Variants in NKAIN2 observed in about 807,000 individuals in gnomAD.
The protein encoded by NKAIN2 is sodium/potassium transporting ATPase interacting 2.
Under a neutral mutation model 32.6 loss-of-function variants are expected in NKAIN2, and 14 were observed. The observed-to-expected ratio is 0.43, with a 90% confidence interval of 0.28 to 0.67. The LOEUF is 0.67. Among genes scored for constraint, NKAIN2 ranks in the 30% least tolerant of loss-of-function variants. NKAIN2 has a pLI of 0.17. For synonymous variants in NKAIN2, 80 were observed against 87.2 expected (o/e 0.92, Z 0.46); for missense variants, 198 against 258.3 (o/e 0.77, Z 1.60).
chr6:124,102,511 CAA>C (rs1414129807), intron 1 of NKAIN2, among the ~76,000 whole-genome samples: 3 of 152,086 alleles, frequency 2.0e-5, no homozygotes, highest in African/African-American at 7.2e-5. Context: ...TTCGATGCCC[CAA>C]GAGAGAAGGT....
intron 3 of NKAIN2, among the ~76,000 whole-genome samples, chr6:124,388,193 A>T (rs891989651): frequency 1.3e-5 from 2 of 151,730 alleles, no homozygotes; most frequent in African/African-American, 2.4e-5. Context: ...CAAAAAAAAA[A>T]CCCTGCTTAC....
chr6:124,273,257 C>T lies in NKAIN2; in HGVS notation c.55-9748C>T, dbSNP rs534821458. Among the ~76,000 whole-genome samples, 10 of 151,962 alleles carry T rather than the reference C, an allele frequency of 6.6e-5. No individual in the cohort carries two copies. The South Asian group carries it at 8.3e-4, about 13-fold the overall frequency. ...TGTGGAGGGAAGGACTTGGTGGGGT[C>T]GATTGGATCCTGGGGGCAGTTTCCC... On this transcript the variant is annotated intron_variant, in intron 1 of 6. Coordinates refer to ENST00000368417, the MANE Select transcript of NKAIN2 (RefSeq NM_001040214.3).
intron 3 of NKAIN2, among the ~76,000 whole-genome samples, chr6:124,601,265 G>GTA: frequency 6.6e-6 from 1 of 152,118 alleles, no homozygotes; most frequent in African/African-American, 2.4e-5. Context: ...CCATTACCAT[G>GTA]CTTTGGAAAG....
chr6:124,765,446 G>A (rs111344321), intron 4 of NKAIN2, among the ~76,000 whole-genome samples: 1,647 of 152,252 alleles, frequency 0.011, 43 homozygotes, highest in African/African-American at 0.038. Context: ...TCAAGCTGCC[G>A]CACAGCACTT....
intron 1 of NKAIN2, among the ~76,000 whole-genome samples, chr6:124,080,931 T>A (rs2114906106): frequency 6.6e-6 from 1 of 152,282 alleles, no homozygotes; most frequent in South Asian, 2.1e-4. Flanking sequence ...TTATTGATGA[T>A]AAACTAACTC....
At chr6:123,938,446 A>G (rs1358415588) in intron 1 of NKAIN2, among the ~76,000 whole-genome samples, 1 of 84,738 alleles carries the variant, frequency 1.2e-5, no homozygotes, top group African/African-American at 6.9e-5. Context: ...ATATATATAT[A>G]TATATACACA....
intron 1 of NKAIN2, among the ~76,000 whole-genome samples, chr6:123,832,542 A>T (rs1562207080): frequency 6.6e-6 from 1 of 152,146 alleles, no homozygotes. Context: ...TTTGTAAGAA[A>T]CCGCTAAACT....
chr6:123,861,674 A>G (rs1268761978), intron 1 of NKAIN2, among the ~76,000 whole-genome samples: 5 of 152,192 alleles, frequency 3.3e-5, no homozygotes, highest in Non-Finnish European at 7.4e-5. Flanking sequence ...ATGTAGTTAG[A>G]TAATTCATTT....
intron 1 of NKAIN2, among the ~76,000 whole-genome samples, chr6:124,017,231 G>A (rs1009112550): frequency 6.6e-6 from 1 of 152,062 alleles, no homozygotes; most frequent in African/African-American, 2.4e-5. Context: ...AGAACAGTAT[G>A]GGAAAGACCC....
intron 1 of NKAIN2, among the ~76,000 whole-genome samples, chr6:124,118,080 T>C (rs548805260): frequency 2.5e-4 from 38 of 152,272 alleles, no homozygotes; most frequent in Non-Finnish European, 2.6e-4. Context: ...TCTTGTATTC[T>C]GGAGGTTTAA....
At chr6:124,649,429 T>C (rs1309301734) in intron 3 of NKAIN2, among the ~76,000 whole-genome samples, 1 of 152,142 alleles carries the variant, frequency 6.6e-6, no homozygotes, top group Admixed American at 6.6e-5. Flanking sequence ...AATAGACAAA[T>C]TGAATAGGCT....
intron 1 of NKAIN2, among the ~76,000 whole-genome samples, chr6:124,188,036 T>A (rs959644315): frequency 6.6e-6 from 1 of 152,182 alleles, no homozygotes; most frequent in South Asian, 2.1e-4. Context: ...CCACCGTAGA[T>A]CCAGTAGCCT....
intron 1 of NKAIN2, among the ~76,000 whole-genome samples, chr6:124,265,234 C>T (rs1452671638): frequency 2.0e-5 from 3 of 151,236 alleles, no homozygotes; most frequent in Admixed American, 6.6e-5. Context: ...TACATCATGT[C>T]TATGTATTTA....
At chr6:124,303,303 G>A (rs1163044400) in intron 2 of NKAIN2, among the ~76,000 whole-genome samples, 1 of 152,164 alleles carries the variant, frequency 6.6e-6, no homozygotes, top group Non-Finnish European at 1.5e-5. Context: ...CAAAGAACAT[G>A]GCAAACAAAT....
intron 1 of NKAIN2, among the ~76,000 whole-genome samples, chr6:124,235,337 A>G (rs2114750671): frequency 6.6e-6 from 1 of 152,306 alleles, no homozygotes; most frequent in South Asian, 2.1e-4. Context: ...CAGAGTAATA[A>G]ACATAAAGAA....
chr6:124,789,307 T>C (rs1054872197), intron 4 of NKAIN2, among the ~76,000 whole-genome samples: 2 of 152,094 alleles, frequency 1.3e-5, no homozygotes, highest in African/African-American at 4.8e-5. Flanking sequence ...GACAAATTGC[T>C]TTACAAATAA....
chr6:124,261,860 C>A (rs1467344818), intron 1 of NKAIN2, among the ~76,000 whole-genome samples: 1 of 125,096 alleles, frequency 8.0e-6, no homozygotes, highest in Non-Finnish European at 1.6e-5. Context: ...ATGATTCCAT[C>A]TCACACAAAA....
chr6:124,646,473 A>T (rs1784173178), intron 3 of NKAIN2, among the ~76,000 whole-genome samples: 1 of 152,120 alleles, frequency 6.6e-6, no homozygotes, highest in Non-Finnish European at 1.5e-5. Flanking sequence ...AAAGAGTGGA[A>T]GGGAGGAAAA....
At chr6:124,117,370 C>T (rs1333471675) in intron 1 of NKAIN2, among the ~76,000 whole-genome samples, 1 of 152,114 alleles carries the variant, frequency 6.6e-6, no homozygotes, top group East Asian at 1.9e-4. Context: ...TTTGATTGTA[C>T]AGGAAGAACG....
Sources: allele counts gnomAD v4.1 joint callset (sites outside exome capture counted in the v4.1 genomes callset), GRCh38; gene constraint gnomAD v4.1.1; transcripts MANE v1.5; gene names NCBI Gene and HGNC (gene_info 2026-07-23, HGNC 2026-07-21).